Variants in ABCC4 observed in about 807,000 individuals in gnomAD.
ABCC4 encodes ATP binding cassette subfamily C member 4 (PEL blood group), also known as ATP-binding cassette sub-family C member 4.
A neutral mutation model predicts 168.5 loss-of-function variants in ABCC4; 102 were observed. That is an observed-to-expected ratio of 0.61 (90% CI 0.52 to 0.71). The LOEUF (loss-of-function observed/expected upper bound fraction) is 0.71, where lower values mean the gene tolerates loss of function less well. ABCC4 is among the 30% of genes least tolerant of loss of function. The pLI is 0.00. For missense variants in ABCC4, 1,402 were observed against 1,605.8 expected, an observed-to-expected ratio of 0.87 and a Z score of 2.17; for synonymous variants, 617 against 590.7, an observed-to-expected ratio of 1.04 and a Z score of -0.65.
chr13:95,273,669 A>G (rs1047117156), intron 1 of ABCC4, among the ~76,000 whole-genome samples: 1 of 151,972 alleles, frequency 6.6e-6, no homozygotes, highest in Non-Finnish European at 1.5e-5. Context: ...TCCCCACCCA[A>G]ATCTCATCTT....
In ABCC4 at chr13:95,035,423, C is replaced by T. The variant is rs868715041; in HGVS notation, c.3736-684G>A. Among the ~76,000 whole-genome samples the T allele has an allele frequency of 4.6e-5, 7 of 152,162 alleles. No homozygotes were observed. In the South Asian group the frequency reaches 1.2e-3, roughly 27 times the overall value. ...GCAGCTTTAGCATAATTGCTCTCTG[C>T]ACAGAAGAAATCTCTAGAAATCCAA... On this transcript the variant is annotated intron_variant, in intron 29 of 30. Coordinates refer to ENST00000645237, the MANE Select transcript of ABCC4 (RefSeq NM_005845.5).
intron 4 of ABCC4, among the ~76,000 whole-genome samples, chr13:95,211,933 A>G (rs2038969353): frequency 6.6e-6 from 1 of 152,150 alleles, no homozygotes; most frequent in Non-Finnish European, 1.5e-5. Context: ...TAATCCCAGC[A>G]CTTAGTGGGG....
At chr13:95,060,444 T>C (rs2139282362) in intron 26 of ABCC4, among the ~76,000 whole-genome samples, 1 of 152,350 alleles carries the variant, frequency 6.6e-6, no homozygotes, top group East Asian at 1.9e-4. Context: ...CTATTTCTTA[T>C]TAAGAATTCA....
intron 26 of ABCC4, among the ~76,000 whole-genome samples, chr13:95,054,131 T>C (rs1410775072): frequency 6.7e-6 from 1 of 149,102 alleles, no homozygotes; most frequent in Non-Finnish European, 1.5e-5. Flanking sequence ...CCTCTGATTT[T>C]GCATCAGTGA....
At chr13:95,256,681 C>A (rs1206183527) in intron 1 of ABCC4, among the ~76,000 whole-genome samples, 2 of 152,012 alleles carry the variant, frequency 1.3e-5, no homozygotes, top group African/African-American at 2.4e-5. Context: ...TCACCTGAGC[C>A]TGGGAAGTCA....
chr13:95,106,537 G>GA (rs199961706), intron 20 of ABCC4, among the ~76,000 whole-genome samples: 84 of 147,350 alleles, frequency 5.7e-4, no homozygotes, highest in East Asian at 1.0e-3. Flanking sequence ...AAGCAGAAGG[G>GA]AAAAAAAAAT....
chr13:95,228,604 G>A (rs992116534), intron 4 of ABCC4, among the ~76,000 whole-genome samples: 3 of 151,928 alleles, frequency 2.0e-5, no homozygotes, highest in African/African-American at 7.3e-5. Flanking sequence ...GTGAAATGCC[G>A]TCTCTACTAA....
chr13:95,129,296 T>C (rs1394893166), intron 19 of ABCC4, among the ~76,000 whole-genome samples: 1 of 152,256 alleles, frequency 6.6e-6, no homozygotes, highest in Non-Finnish European at 1.5e-5. Flanking sequence ...TATTTTTACC[T>C]GGCACAAGTT....
At chr13:95,163,954 T>C (rs566616051) in intron 16 of ABCC4, among the ~76,000 whole-genome samples, 15 of 150,434 alleles carry the variant, frequency 1.0e-4, no homozygotes, top group Admixed American at 8.7e-4. Context: ...GACAGGAGAA[T>C]TGCTTAAACC....
intron 26 of ABCC4, among the ~76,000 whole-genome samples, chr13:95,061,985 A>C (rs2033315856): frequency 6.6e-6 from 1 of 152,202 alleles, no homozygotes; most frequent in Admixed American, 6.5e-5. Flanking sequence ...CACTTCTGCA[A>C]AGGAGAAGAA....
chr13:95,045,054 T>C (rs2032518903), intron 27 of ABCC4, among the ~76,000 whole-genome samples: 2 of 152,180 alleles, frequency 1.3e-5, no homozygotes, highest in Non-Finnish European at 2.9e-5. Context: ...AAAAAAATCA[T>C]ATCAGTGTCC....
Position 95,245,141 on chromosome 13 carries a change from A to AC in ABCC4, c.306+1833dup, listed in dbSNP as rs4148444. 6.9e-3 allele frequency among the ~76,000 whole-genome samples: 1,044 copies of AC among 152,242 alleles called. 37 individuals carry two copies. The East Asian group carries it at 0.088, about 13-fold the overall frequency. On this transcript the variant is annotated intron_variant, in intron 3 of 30. Transcript: ENST00000645237. ...TCACCATCTGTGGGTTAGAGACCCC[A>AC]CCCCAAGTGGCTGGCAGCCCATGAC...
At chr13:95,273,800 G>GTT (rs10573889) in intron 1 of ABCC4, among the ~76,000 whole-genome samples, 13,276 of 127,000 alleles carry the variant, frequency 0.1, 759 homozygotes, top group East Asian at 0.12. Context: ...GATCTGATGG[G>GTT]TTTTTTTTTT....
rs573735284 is a variant in ABCC4, at chr13:95,104,770, G to T, written c.2535+11152C>A. Among the ~76,000 whole-genome samples the T allele has an allele frequency of 1.8e-4, 28 of 152,274 alleles. No homozygotes were observed. In the South Asian group the frequency reaches 5.0e-3, roughly 27 times the overall value. On this transcript the variant is annotated intron_variant, in intron 20 of 30. Coordinates refer to ENST00000645237, the MANE Select transcript of ABCC4 (RefSeq NM_005845.5). ...GAAGCATAATGAGGCCAAGGATTGG[G>T]GCAGAGAATGGGGTCCGCCAGAGGC...
chr13:95,281,300 A>T (rs928565020), intron 1 of ABCC4, among the ~76,000 whole-genome samples: 2 of 2,682 alleles, frequency 7.5e-4, no homozygotes, highest in African/African-American at 2.5e-3. Context: ...AGACTCTCTC[A>T]AAAAAAAAAA....
intron 1 of ABCC4, among the ~76,000 whole-genome samples, chr13:95,291,937 C>T (rs1025299915): frequency 8.3e-5 from 12 of 144,486 alleles, no homozygotes; most frequent in African/African-American, 2.8e-4. Flanking sequence ...CACAGTGAAA[C>T]TCCATTTAAA....
intron 20 of ABCC4, among the ~76,000 whole-genome samples, chr13:95,109,372 G>T (rs1200266959): frequency 1.4e-5 from 2 of 141,148 alleles, no homozygotes; most frequent in Non-Finnish European, 3.0e-5. Context: ...TACATTTGAG[G>T]GTGAGCCACA....
chr13:95,085,720 C>T (rs1193853085), intron 20 of ABCC4, among the ~76,000 whole-genome samples: 1 of 152,238 alleles, frequency 6.6e-6, no homozygotes, highest in Non-Finnish European at 1.5e-5. Flanking sequence ...CTGTACCTAG[C>T]TGACAGCCAA....
chr13:95,218,941 G>GA (rs1174528869), intron 4 of ABCC4, among the ~76,000 whole-genome samples: 1,602 of 30,506 alleles, frequency 0.053, 86 homozygotes, highest in African/African-American at 0.19. Context: ...AAGAAAGAAA[G>GA]AAAGAAAGAA....
Sources: gnomAD v4.1 joint callset for allele counts (sites outside exome capture counted in the v4.1 genomes callset) on GRCh38, gnomAD v4.1.1 for gene constraint, MANE v1.5 for transcripts, NCBI Gene and HGNC (gene_info 2026-07-23, HGNC 2026-07-21) for gene names.